The following STAU2 variants were observed in gnomAD, a reference collection of about 807,000 sequenced individuals.
STAU2 encodes the protein double-stranded RNA-binding protein Staufen homolog 2.
Under a neutral mutation model 65.9 loss-of-function variants are expected in STAU2, and 20 were observed. The ratio of observed to expected loss-of-function variants is 0.30; its 90% CI spans 0.21 to 0.44. The LOEUF is 0.44. STAU2 is among the 20% of genes least tolerant of loss of function. STAU2 has a pLI of 1.00. For missense variants in STAU2, 558 were observed against 683.9 expected, an observed-to-expected ratio of 0.82 and a Z score of 2.05; for synonymous variants, 232 against 233.9, an observed-to-expected ratio of 0.99 and a Z score of 0.07.
intron 13 of STAU2, among the ~76,000 whole-genome samples, chr8:73,438,502 G>C (rs1777700679): frequency 6.6e-6 from 1 of 152,238 alleles, no homozygotes; most frequent in South Asian, 2.1e-4. Context: ...CAGCCACCAG[G>C]GCGAGTGGGA....
chr8:73,615,814 C>G (rs777423823), intron 7 of STAU2, 32 bp from the exon 8 acceptor site: 4 of 1,499,330 alleles, frequency 2.7e-6, no homozygotes, highest in Non-Finnish European at 3.7e-6. Flanking sequence ...AACACTGAAT[C>G]TTGACATTAT....
At chr8:73,747,386 C>G (rs1355833331), upstream of STAU2, 1 of 1,535,418 alleles carries the variant, frequency 6.5e-7, no homozygotes, top group South Asian at 1.2e-5. Context: ...CCCGCTCGTA[C>G]CTTTCCCAGG....
intron 5 of STAU2, among the ~76,000 whole-genome samples, chr8:73,681,500 C>A (rs1818429735): frequency 6.6e-6 from 1 of 152,056 alleles, no homozygotes; most frequent in Non-Finnish European, 1.5e-5. Context: ...TCAGAATACA[C>A]CAAAACAGAA....
chr8:73,424,452 TG>T (rs1211392400), intron 13 of STAU2, among the ~76,000 whole-genome samples: 1 of 152,048 alleles, frequency 6.6e-6, no homozygotes, highest in African/African-American at 2.4e-5. Flanking sequence ...CCACCCACCT[TG>T]GCCTCCCAAA....
At chr8:73,732,581 C>T (rs1376931205) in intron 3 of STAU2, 1 of 152,182 alleles carries the variant, frequency 6.6e-6, no homozygotes, top group African/African-American at 2.4e-5. Context: ...TATCCCCTAA[C>T]TGTAGGCTAT....
At chr8:73,528,831 A>C (rs1805612256) in intron 13 of STAU2, among the ~76,000 whole-genome samples, 1 of 152,058 alleles carries the variant, frequency 6.6e-6, no homozygotes, top group South Asian at 2.1e-4. Flanking sequence ...TTTTATTCTA[A>C]TTGCTGCATA....
intron 6 of STAU2, among the ~76,000 whole-genome samples, chr8:73,654,869 T>A (rs921556494): frequency 8.6e-5 from 13 of 151,818 alleles, no homozygotes; most frequent in African/African-American, 3.1e-4. Flanking sequence ...GTATTTTTAG[T>A]AGAGACGGGG....
At position 73,734,865 on chromosome 8, in the gene STAU2, T is replaced by C. The variant is rs138837882; in HGVS notation, c.-18+3419A>G. ...ACAAAAGCCTTCCCAAATAAAAATG[T>C]AGTACTAATCCTAGAGACAACGTTG... On this transcript the variant is annotated intron_variant, in intron 3 of 14. Coordinates refer to ENST00000524300, the MANE Select transcript of STAU2 (RefSeq NM_001164380.2). Among the ~76,000 whole-genome samples the C allele has an allele frequency of 3.8e-3, 583 of 152,216 alleles. 3 individuals are homozygous for C. The highest frequency in any genetic ancestry group is 6.7e-3 in the Non-Finnish European group (453 of 68,020).
At chr8:73,498,103 A>G (rs1821530911) in intron 13 of STAU2, among the ~76,000 whole-genome samples, 1 of 151,880 alleles carries the variant, frequency 6.6e-6, no homozygotes, top group Non-Finnish European at 1.5e-5. Context: ...TACATGATTT[A>G]TATTATTTAA....
rs545241163 is a variant in STAU2 at position 73,609,443 on chromosome 8, G to C, written c.891+4301C>G. Among the ~76,000 whole-genome samples the C allele has an allele frequency of 2.8e-4, 43 of 152,064 alleles. No individual in the cohort carries two copies. The South Asian group carries it at 7.5e-3, about 26-fold the overall frequency. Reference sequence around the variant, plus strand: ...CCGAGGCAGGTGGAACATGAGGTCAGGAGATCAAGACCAGCCTGGCCAACA... The same window carrying C: ...CCGAGGCAGGTGGAACATGAGGTCACGAGATCAAGACCAGCCTGGCCAACA... On this transcript the variant is annotated intron_variant, in intron 9 of 14. Transcript: ENST00000524300.
At chr8:73,687,016 C>T (rs893933059) in intron 5 of STAU2, among the ~76,000 whole-genome samples, 1 of 149,808 alleles carries the variant, frequency 6.7e-6, no homozygotes, top group African/African-American at 2.4e-5. Flanking sequence ...CCTCAACCTC[C>T]TAAGTAGTGG....
At chr8:73,545,547 G>T (rs553909473) in intron 13 of STAU2, among the ~76,000 whole-genome samples, 1 of 151,508 alleles carries the variant, frequency 6.6e-6, no homozygotes, top group African/African-American at 2.4e-5. Flanking sequence ...TATGATGTTT[G>T]ATGTATGTAT....
intron 5 of STAU2, among the ~76,000 whole-genome samples, chr8:73,675,982 T>TGAACCCCA (rs1222648943): frequency 1.3e-5 from 2 of 152,130 alleles, no homozygotes; most frequent in Non-Finnish European, 2.9e-5. Flanking sequence ...TCAGAAATGC[T>TGAACCCCA]ATCAATGGGG....
intron 13 of STAU2, among the ~76,000 whole-genome samples, chr8:73,502,652 C>A (rs991492092): frequency 6.6e-6 from 1 of 152,040 alleles, no homozygotes; most frequent in Admixed American, 6.6e-5. Flanking sequence ...CTTCAAAGGT[C>A]ACCTTCTGCA....
intron 13 of STAU2, among the ~76,000 whole-genome samples, chr8:73,481,117 G>A (rs79716682): frequency 0.025 from 3,757 of 152,078 alleles, 167 homozygotes; most frequent in African/African-American, 0.085. Flanking sequence ...TACCTTGGAA[G>A]CCCTTAGAAT....
chr8:73,604,920 C>G (rs1811901738), intron 9 of STAU2, among the ~76,000 whole-genome samples: 1 of 152,016 alleles, frequency 6.6e-6, no homozygotes, highest in South Asian at 2.1e-4. Context: ...CACATATAAA[C>G]CCTAGAAAAC....
chr8:73,453,161 A>G (rs973736904), intron 13 of STAU2, among the ~76,000 whole-genome samples: 2 of 152,206 alleles, frequency 1.3e-5, no homozygotes, highest in Non-Finnish European at 2.9e-5. Flanking sequence ...AAAAAATATA[A>G]TCTCTAGATC....
chr8:73,656,763 A>G (rs572983631), intron 6 of STAU2, among the ~76,000 whole-genome samples: 1 of 152,338 alleles, frequency 6.6e-6, no homozygotes, highest in East Asian at 1.9e-4. Context: ...CCAAATCAAA[A>G]TCTGCCTTTA....
intron 6 of STAU2, chr8:73,651,155 C>T (rs972224901): frequency 8.6e-5 from 107 of 1,242,214 alleles, no homozygotes; most frequent in Admixed American, 1.6e-4. Context: ...CTCCCTGGCC[C>T]GGACCAGGCA....
Sources: allele counts gnomAD v4.1 joint callset (sites outside exome capture counted in the v4.1 genomes callset), GRCh38; gene constraint gnomAD v4.1.1; transcripts MANE v1.5; gene names NCBI Gene and HGNC (gene_info 2026-07-23, HGNC 2026-07-21).